Variants in LCORL observed in about 807,000 individuals in gnomAD.
LCORL encodes ligand-dependent nuclear receptor corepressor-like protein.
LCORL carries 41 observed loss-of-function variants against 141.8 expected under a neutral mutation model. That is an observed-to-expected ratio of 0.29 (90% CI 0.23 to 0.38). The LOEUF is 0.38. Ranked by LOEUF, LCORL falls within the 10% of genes least tolerant of loss-of-function variation. The pLI is 1.00. For missense variants in LCORL, 1,759 were observed against 2,035.0 expected, an observed-to-expected ratio of 0.86 and a Z score of 2.61; for synonymous variants, 618 against 694.1, an observed-to-expected ratio of 0.89 and a Z score of 1.72.
chr4:17,875,168 A>G (rs1349257130), exon 7 of LCORL: 2 of 1,232,124 alleles, frequency 1.6e-6, no homozygotes, highest in African/African-American at 1.6e-5. Flanking sequence ...AGCAGCTGCT[A>G]ATACTTACTT....
At chr4:18,010,031 T>TA (rs1723450424) in intron 1 of LCORL, among the ~76,000 whole-genome samples, 1 of 152,076 alleles carries the variant, frequency 6.6e-6, no homozygotes, top group African/African-American at 2.4e-5. Flanking sequence ...AATTATATTT[T>TA]AAAAAAAGAG....
At chr4:17,852,731 T>C (rs1223975596) in intron 7 of LCORL, among the ~76,000 whole-genome samples, 1 of 152,182 alleles carries the variant, frequency 6.6e-6, no homozygotes, top group East Asian at 1.9e-4. Flanking sequence ...TGAATGGAAG[T>C]TTACAGAGTA....
chr4:17,915,844 G>C (rs1489637698), intron 4 of LCORL, among the ~76,000 whole-genome samples: 1 of 152,206 alleles, frequency 6.6e-6, no homozygotes, highest in Non-Finnish European at 1.5e-5. Flanking sequence ...AGGAAGAACT[G>C]TGATATGGTT....
At position 18,000,197 on chromosome 4, in the gene LCORL, T is replaced by A. The variant is rs193003451; in HGVS notation, c.154+21401A>T. Among the ~76,000 whole-genome samples, 22 of 151,820 alleles carry A rather than the reference T, an allele frequency of 1.4e-4. No homozygotes were observed. The East Asian group carries it at 3.5e-3, about 24-fold the overall frequency. On this transcript the variant is annotated intron_variant, in intron 1 of 7. Transcript: ENST00000635767. ...CATTCACTCAACAAATATTTATGTA[T>A]TTGGTAAGTGCCAGAAAGATAGGGA...
intron 4 of LCORL, among the ~76,000 whole-genome samples, chr4:17,927,548 T>G (rs1264294684): frequency 6.6e-6 from 1 of 152,218 alleles, no homozygotes; most frequent in African/African-American, 2.4e-5. Flanking sequence ...CATTTATAGC[T>G]TTTGATTTAA....
At chr4:17,929,349 G>A (rs759280158) in intron 4 of LCORL, among the ~76,000 whole-genome samples, 6 of 152,038 alleles carry the variant, frequency 3.9e-5, no homozygotes, top group East Asian at 1.9e-4. Flanking sequence ...GAACAAAATC[G>A]GAGGATTAGC....
At chr4:17,876,799 T>C (rs1726969973) in exon 7 of LCORL, 1 of 1,230,836 alleles carries the variant, frequency 8.1e-7, no homozygotes, top group Non-Finnish European at 1.0e-6. Context: ...GGCTTTCTTA[T>C]GCTCATTTTC....
At chr4:17,952,476 C>T (rs1711576535) in intron 4 of LCORL, among the ~76,000 whole-genome samples, 2 of 145,824 alleles carry the variant, frequency 1.4e-5, no homozygotes, top group Non-Finnish European at 3.0e-5. Context: ...AGTGCAGTGG[C>T]GCGATCTCGG....
At chr4:17,902,184 G>C (rs1442726607) in intron 5 of LCORL, among the ~76,000 whole-genome samples, 1 of 152,024 alleles carries the variant, frequency 6.6e-6, no homozygotes, top group East Asian at 1.9e-4. Context: ...GGTGGGCAGG[G>C]GCTGGTTCCT....
chr4:17,943,345 T>G (rs1370967701), intron 4 of LCORL, among the ~76,000 whole-genome samples: 10 of 152,212 alleles, frequency 6.6e-5, no homozygotes, highest in Admixed American at 6.5e-4. Flanking sequence ...CTCTTCACTC[T>G]TCAAAGGGAA....
At chr4:17,912,398 C>T (rs1420291798) in intron 4 of LCORL, 52 of 632,368 alleles carry the variant, frequency 8.2e-5, no homozygotes, top group Middle Eastern at 4.2e-4. Flanking sequence ...AGGGTGACTG[C>T]GGAGGTAGAT....
At chr4:17,941,983 A>AT (rs1326539902) in intron 4 of LCORL, among the ~76,000 whole-genome samples, 3 of 151,948 alleles carry the variant, frequency 2.0e-5, no homozygotes, top group African/African-American at 4.8e-5. Flanking sequence ...CTTTAAAGTT[A>AT]TTGTCTAGAG....
chr4:18,012,667 T>G (rs544020258), intron 1 of LCORL, among the ~76,000 whole-genome samples: 2 of 151,646 alleles, frequency 1.3e-5, no homozygotes, highest in Non-Finnish European at 2.9e-5. Context: ...ATTAGGAAAC[T>G]TTTTTGAAGG....
At chr4:18,009,107 G>GT (rs1290843900) in intron 1 of LCORL, among the ~76,000 whole-genome samples, 1 of 152,026 alleles carries the variant, frequency 6.6e-6, no homozygotes, top group Non-Finnish European at 1.5e-5. Context: ...TAGGGCATGT[G>GT]TATGTATACA....
intron 4 of LCORL, among the ~76,000 whole-genome samples, chr4:17,961,368 T>C (rs1421903770): frequency 1.3e-5 from 2 of 152,032 alleles, no homozygotes; most frequent in African/African-American, 2.4e-5. Flanking sequence ...GCTATTTGGT[T>C]TGAGTAGTTT....
chr4:17,966,677 C>T (rs2724484), intron 2 of LCORL, among the ~76,000 whole-genome samples: 147,217 of 152,200 alleles, frequency 0.97, 71,374 homozygotes, highest in East Asian at 1. Flanking sequence ...TAGTGGCAAC[C>T]AAGCATATGA....
At chr4:17,859,292 T>C (rs1724720700) in intron 7 of LCORL, among the ~76,000 whole-genome samples, 3 of 152,170 alleles carry the variant, frequency 2.0e-5, no homozygotes. Context: ...GTGTATTAAA[T>C]GAACTTTTGA....
At chr4:17,886,225 T>C in intron 5 of LCORL, 64 bp from the exon 6 acceptor site, 1 of 823,206 alleles carries the variant, frequency 1.2e-6, no homozygotes. Flanking sequence ...TACATTTTAA[T>C]ATTTCATATT....
chr4:17,884,159 A>G lies in LCORL; in HGVS notation c.776+1909T>C, dbSNP rs1262905588. ...TTCTATTTTGTTCTGTTTAGGGAGTATATTTTTCAGTTTTTGGAGAGCTGA... is the reference window on the plus strand; with the variant it reads ...TTCTATTTTGTTCTGTTTAGGGAGTGTATTTTTCAGTTTTTGGAGAGCTGA... On this transcript the variant is annotated intron_variant, in intron 6 of 7. Transcript: ENST00000635767. This position sits in a 1 kb window ranked among gnomAD's most constrained non-coding sequence, Gnocchi z 4.4. The G allele has an allele frequency of 1.8e-5, 28 of 1,550,406 alleles. No homozygotes were observed. The highest frequency in any genetic ancestry group is 2.4e-5 in the East Asian group (1 of 40,906).
Sources: allele counts gnomAD v4.1 joint callset (sites outside exome capture counted in the v4.1 genomes callset), GRCh38; gene constraint gnomAD v4.1.1; non-coding constraint Gnocchi (gnomAD v3.1); transcripts MANE v1.5; gene names NCBI Gene and HGNC (gene_info 2026-07-23, HGNC 2026-07-21).